SNX29: variants seen among roughly 807,000 people sequenced by gnomAD.
The protein encoded by SNX29 is sorting nexin-29.
Under a neutral mutation model 102.1 loss-of-function variants are expected in SNX29, and 78 were observed. The ratio of observed to expected loss-of-function variants is 0.76; its 90% CI spans 0.64 to 0.92. The LOEUF is 0.92. Among genes scored for constraint, SNX29 ranks in the 40% least tolerant of loss-of-function variants. The pLI is 0.00. For missense variants in SNX29, 1,280 were observed against 1,061.7 expected (o/e 1.21, Z -2.86); for synonymous variants, 580 against 414.5 (o/e 1.40, Z -4.85).
At chr16:12,044,354 G>C (rs1168277691) in intron 5 of SNX29, among the ~76,000 whole-genome samples, 1 of 152,088 alleles carries the variant, frequency 6.6e-6, no homozygotes, top group African/African-American at 2.4e-5. Context: ...TTCTGGGATT[G>C]TGCACTGGGG....
At chr16:12,059,433 G>A (rs1596728759) in intron 8 of SNX29, among the ~76,000 whole-genome samples, 1 of 152,208 alleles carries the variant, frequency 6.6e-6, no homozygotes, top group African/African-American at 2.4e-5. Context: ...GGACAGTCGC[G>A]GGAGCGGCTC....
intron 20 of SNX29, among the ~76,000 whole-genome samples, chr16:12,546,134 C>G (rs756742446): frequency 6.6e-6 from 1 of 152,192 alleles, no homozygotes; most frequent in Non-Finnish European, 1.5e-5. Context: ...ATCCACAAAA[C>G]AGAGCTAATA....
chr16:12,442,678 C>A (rs2085863090), intron 18 of SNX29, among the ~76,000 whole-genome samples: 1 of 151,792 alleles, frequency 6.6e-6, no homozygotes, highest in Admixed American at 6.6e-5. Context: ...GTAGCTGCTA[C>A]CACCTGGACT....
rs758874795 is a variant in SNX29 at position 12,052,207 on chromosome 16, C to T, written c.1109C>T (p.Ser370Leu). The change falls in exon 8 of 21, where the codon TCG (serine) becomes TTG (leucine). Residue 370 changes from serine (S) to leucine (L), a missense_variant. Physicochemically the swap from Ser to Leu is moderately radical, Grantham distance 145. Transcript: ENST00000566228. ...TCAGGAAGGAAGCACAGGGGCCACT[C>T]GGAGTCGCCCGAGAAGTAAGTTTGT... The part of the protein sequence containing the change: ...NSSGRKHRGH[S>L]ESPEKPLEGN... 16 of 1,613,704 alleles carry T rather than the reference C, an allele frequency of 9.9e-6. No individual in the cohort carries two copies. Among genetic ancestry groups the T allele is most frequent in the Admixed American group, 1.7e-5 (1 of 59,988 alleles).
intron 13 of SNX29, among the ~76,000 whole-genome samples, chr16:12,196,653 A>T: frequency 7.9e-6 from 1 of 126,644 alleles, no homozygotes; most frequent in East Asian, 2.3e-4. Context: ...ACGGAGTCTC[A>T]CTCTGTTGCG....
At chr16:12,417,262 C>G (rs559450974) in intron 18 of SNX29, among the ~76,000 whole-genome samples, 41 of 152,326 alleles carry the variant, frequency 2.7e-4, no homozygotes, top group African/African-American at 9.4e-4. Flanking sequence ...CTGTGTGTAC[C>G]TCTTGGCACA....
At chr16:12,300,108 G>A (rs1331012767) in intron 15 of SNX29, among the ~76,000 whole-genome samples, 1 of 152,200 alleles carries the variant, frequency 6.6e-6, no homozygotes, top group Non-Finnish European at 1.5e-5. Flanking sequence ...CTGACTTCAG[G>A]TGATCTGCCT....
At chr16:11,979,913 A>G (rs1283160771) in intron 1 of SNX29, among the ~76,000 whole-genome samples, 2 of 152,118 alleles carry the variant, frequency 1.3e-5, no homozygotes, top group African/African-American at 4.8e-5. Context: ...AAGTGCTGGG[A>G]TTACAGGCAT....
At chr16:12,368,777 T>C (rs1314262991) in intron 16 of SNX29, among the ~76,000 whole-genome samples, 1 of 152,232 alleles carries the variant, frequency 6.6e-6, no homozygotes, top group Non-Finnish European at 1.5e-5. Context: ...AGTTTGCCGC[T>C]CACAACGTCA....
At chr16:12,087,796 C>A in intron 11 of SNX29, 1 of 453,376 alleles carries the variant, frequency 2.2e-6, no homozygotes, top group South Asian at 1.6e-5. Flanking sequence ...TCTGGGGCTG[C>A]AGCTTCCATA....
chr16:12,565,475 C>T (rs1259530860), intron 20 of SNX29, among the ~76,000 whole-genome samples: 1 of 152,200 alleles, frequency 6.6e-6, no homozygotes, highest in African/African-American at 2.4e-5. Context: ...CTCAAACCAT[C>T]ACAGCACCCC....
intron 15 of SNX29, among the ~76,000 whole-genome samples, chr16:12,304,993 C>T (rs1201817827): frequency 2.6e-5 from 4 of 152,186 alleles, no homozygotes; most frequent in Non-Finnish European, 5.9e-5. Context: ...TAAAATGCAA[C>T]TGAACATAAT....
At chr16:11,985,418 A>G (rs1234801406) in intron 1 of SNX29, among the ~76,000 whole-genome samples, 1 of 152,176 alleles carries the variant, frequency 6.6e-6, no homozygotes, top group African/African-American at 2.4e-5. Context: ...ATGGGAATAT[A>G]TGGTGTCTTG....
In SNX29 at chr16:12,425,020, C is replaced by G. The variant is rs149791263; in HGVS notation, c.2037+21491C>G. 4.1e-3 allele frequency among the ~76,000 whole-genome samples: 622 copies of G among 152,354 alleles called. 3 individuals carry two copies. Among genetic ancestry groups the G allele is most frequent in the African/African-American group, 0.014 (593 of 41,580 alleles). On this transcript the variant is annotated intron_variant, in intron 18 of 20. Transcript: ENST00000566228. Reference sequence around the variant, plus strand: ...CTGCAAGGAGATTAAAGATGTGTAACTACAGGCAACAGTATGGCTGGATCT... The same window carrying G: ...CTGCAAGGAGATTAAAGATGTGTAAGTACAGGCAACAGTATGGCTGGATCT...
chr16:12,417,279 T>A (rs1285531317), intron 18 of SNX29, among the ~76,000 whole-genome samples: 1 of 152,250 alleles, frequency 6.6e-6, no homozygotes, highest in African/African-American at 2.4e-5. Flanking sequence ...CACACTGGGC[T>A]TCCTGTGTTC....
At chr16:12,559,117 A>C (rs12933260) in intron 20 of SNX29, among the ~76,000 whole-genome samples, 3 of 152,006 alleles carry the variant, frequency 2.0e-5, no homozygotes, top group Admixed American at 6.5e-5. Flanking sequence ...TAGTCAAATC[A>C]GGCTTGGATC....
chr16:12,549,522 C>G lies in SNX29; in HGVS notation c.2319-18984C>G, dbSNP rs543100994. 1.1e-3 allele frequency among the ~76,000 whole-genome samples: 99 copies of G among 93,540 alleles called. 2 individuals are homozygous for G. In the South Asian group the frequency reaches 0.019, roughly 18 times the overall value. 61.4% of individuals were successfully genotyped at this position (93,540 alleles called of 152,430 possible). A position where few individuals can be genotyped will look rare whatever the true frequency, so the allele number is the denominator to read the frequency against. On this transcript the variant is annotated intron_variant, in intron 20 of 20. Transcript: ENST00000566228. ...AAAGATGTTCATGCCATTTTTCATCCTCTATCTCAAATAGCCAGTAAGGCA... is the reference window on the plus strand; with the variant it reads ...AAAGATGTTCATGCCATTTTTCATCGTCTATCTCAAATAGCCAGTAAGGCA...
rs141147077 is a variant in SNX29 at position 12,533,893 on chromosome 16, G to C, written c.2318+9052G>C. Among the ~76,000 whole-genome samples, 501 of 152,324 alleles carry C rather than the reference G, an allele frequency of 3.3e-3. 4 individuals are homozygous for C. The highest frequency in any genetic ancestry group is 0.012 in the African/African-American group (481 of 41,570). On this transcript the variant is annotated intron_variant, in intron 20 of 20. Transcript: ENST00000566228. The stretch of plus-strand genomic sequence containing the variant: ...TAGAAGTCCTTGACCTTTTCAAGAC[G>C]TGGCAGAAATGCACATCTTCATATA...
chr16:12,225,512 T>A (rs556441564), intron 14 of SNX29, among the ~76,000 whole-genome samples: 14 of 152,198 alleles, frequency 9.2e-5, no homozygotes, highest in African/African-American at 3.4e-4. Context: ...ACGTAAGATA[T>A]GATTTGCTCC....
Sources: allele counts gnomAD v4.1 joint callset (sites outside exome capture counted in the v4.1 genomes callset), GRCh38; gene constraint gnomAD v4.1.1; transcripts MANE v1.5; gene names NCBI Gene and HGNC (gene_info 2026-07-23, HGNC 2026-07-21).